The following TBX15 variants were observed in gnomAD, a reference collection of about 807,000 sequenced individuals.
TBX15 encodes the protein T-box transcription factor 15, also known as T-box transcription factor TBX15.
In TBX15, 18 loss-of-function variants were observed where a neutral mutation model predicts 53.9. That is an observed-to-expected ratio of 0.33 (90% CI 0.23 to 0.49). TBX15 has a LOEUF of 0.49. Among genes scored for constraint, TBX15 ranks in the 20% least tolerant of loss-of-function variants. TBX15 has a pLI of 0.98. For missense variants in TBX15, 692 were observed against 749.5 expected (o/e 0.92, Z 0.90); for synonymous variants, 295 against 278.0 (o/e 1.06, Z -0.61).
At chr1:118,961,162 C>T (rs1280267103) in intron 1 of TBX15, among the ~76,000 whole-genome samples, 3 of 152,176 alleles carry the variant, frequency 2.0e-5, no homozygotes, top group Non-Finnish European at 4.4e-5. Context: ...CTGGTTCCCC[C>T]TTCCTAACTC....
intron 1 of TBX15, among the ~76,000 whole-genome samples, chr1:118,936,416 A>C (rs1224769495): frequency 6.6e-6 from 1 of 152,192 alleles, no homozygotes; most frequent in Non-Finnish European, 1.5e-5. Flanking sequence ...TCGTTACTGC[A>C]GTGAACAAAG....
At chr1:118,914,247 A>C (rs1004981130) in intron 5 of TBX15, 68 bp from the exon 6 acceptor site, 2 of 1,403,418 alleles carry the variant, frequency 1.4e-6, no homozygotes, top group Admixed American at 3.5e-5. Flanking sequence ...ACTCCTAGAA[A>C]ATTACAAAAA....
intron 1 of TBX15, among the ~76,000 whole-genome samples, chr1:118,937,805 T>C (rs946089857): frequency 6.6e-6 from 1 of 152,232 alleles, no homozygotes; most frequent in Non-Finnish European, 1.5e-5. Flanking sequence ...TCCTATCTGA[T>C]AGTGGTAGGA....
chr1:118,936,506 C>T (rs947693175), intron 1 of TBX15, among the ~76,000 whole-genome samples: 1 of 151,828 alleles, frequency 6.6e-6, no homozygotes, highest in Admixed American at 6.6e-5. Context: ...CCTAAGTTTC[C>T]TTATCTTTAC....
chr1:118,888,942 T>G (rs1395500253), intron 7 of TBX15, among the ~76,000 whole-genome samples: 10 of 152,026 alleles, frequency 6.6e-5, no homozygotes, highest in Non-Finnish European at 1.5e-4. Context: ...GGGGTGGAAC[T>G]ATTAACAAGT....
At chr1:118,913,219 T>C (rs1655077433) in intron 6 of TBX15, among the ~76,000 whole-genome samples, 1 of 145,176 alleles carries the variant, frequency 6.9e-6, no homozygotes, top group Admixed American at 6.9e-5. Flanking sequence ...TGTAAATAAA[T>C]GCCCTCAAAC....
rs1295637835 is a variant in TBX15 at position 118,885,288 on chromosome 1, T to C, written c.1253A>G (p.Asp418Gly). ...ACTCTGAAGCCTGTTGTAGCCACTG[T>C]CACTCAGCCCTGGGTAGCTCTGCAA... Reference protein sequence around the residue: ...AALQSYPGLSDSGYNRLQSGT... With the variant: ...AALQSYPGLSGSGYNRLQSGT... The change falls in exon 8 of 8, where the codon GAC (aspartate) becomes GGC (glycine). Residue 418 changes from aspartate (D) to glycine (G), a missense_variant. Physicochemically the swap from Asp to Gly is moderately conservative, Grantham distance 94 (BLOSUM62 -1). Transcript: ENST00000369429. The C allele has an allele frequency of 6.2e-7, 1 of 1,614,136 alleles. No homozygotes were observed. The highest frequency in any genetic ancestry group is 1.7e-5 in the Admixed American group (1 of 60,026).
In TBX15 at chr1:118,925,324, C is replaced by A. The variant is rs545943101; in HGVS notation, c.522-507G>T. 2.0e-5 allele frequency among the ~76,000 whole-genome samples: 3 copies of A among 152,340 alleles called. No homozygotes were observed. The South Asian group carries it at 6.2e-4, about 32-fold the overall frequency. On this transcript the variant is annotated intron_variant, in intron 3 of 7. Transcript: ENST00000369429. ...CAGCCATGTGCAGAGCCCTCCCAAG[C>A]CTCTCACTGGTTAACCATTTCCTTG...
At chr1:118,914,606 A>G (rs1486176940) in intron 5 of TBX15, among the ~76,000 whole-genome samples, 1 of 152,260 alleles carries the variant, frequency 6.6e-6, no homozygotes, top group East Asian at 1.9e-4. Flanking sequence ...TAATGGACTC[A>G]GTCAATTCAG....
At chr1:118,902,829 C>T (rs1230440092) in intron 6 of TBX15, among the ~76,000 whole-genome samples, 1 of 152,092 alleles carries the variant, frequency 6.6e-6, no homozygotes, top group East Asian at 1.9e-4. Context: ...GATGTCTAGT[C>T]AAAATTTACC....
At chr1:118,974,801 G>A (rs556955316) in intron 1 of TBX15, among the ~76,000 whole-genome samples, 3 of 152,252 alleles carry the variant, frequency 2.0e-5, no homozygotes, top group East Asian at 1.9e-4. Context: ...CCCTAACAGC[G>A]GGTGTACTTG....
At chr1:118,959,302 T>C (rs1656790441) in intron 1 of TBX15, among the ~76,000 whole-genome samples, 1 of 152,164 alleles carries the variant, frequency 6.6e-6, no homozygotes, top group African/African-American at 2.4e-5. Context: ...AATAAGAATA[T>C]GTATTTATAG....
chr1:118,905,438 G>A (rs917905654), intron 6 of TBX15, among the ~76,000 whole-genome samples: 2 of 152,218 alleles, frequency 1.3e-5, no homozygotes, highest in African/African-American at 4.8e-5. Flanking sequence ...ACAAGGGAGG[G>A]CGAACAAATA....
intron 5 of TBX15, 97 bp downstream of exon 5, chr1:118,923,339 T>C (rs1655487279): frequency 2.0e-6 from 3 of 1,477,046 alleles, no homozygotes; most frequent in Non-Finnish European, 2.8e-6. Context: ...GGTTGTTGTA[T>C]GTCAAATTCC....
At chr1:118,912,304 A>G (rs939333004) in intron 6 of TBX15, among the ~76,000 whole-genome samples, 1 of 123,144 alleles carries the variant, frequency 8.1e-6, no homozygotes, top group Admixed American at 7.6e-5. Flanking sequence ...TAGAGCAGAA[A>G]TTCTTAACTT....
At chr1:118,964,656 A>G (rs952395197) in intron 1 of TBX15, among the ~76,000 whole-genome samples, 1 of 152,210 alleles carries the variant, frequency 6.6e-6, no homozygotes, top group Non-Finnish European at 1.5e-5. Flanking sequence ...TAGTTGTCAA[A>G]TTTCACTGAA....
chr1:118,890,781 G>T, intron 7 of TBX15: 1 of 732,302 alleles, frequency 1.4e-6, no homozygotes, highest in Non-Finnish European at 2.0e-6. Flanking sequence ...ATTTTGCTGT[G>T]CTTTTCTCCC....
At position 118,926,641 on chromosome 1, in the gene TBX15, G is replaced by A; in HGVS notation, c.420-30C>T. The A allele has an allele frequency of 1.9e-6, 3 of 1,589,582 alleles. No individual in the cohort carries two copies. In the South Asian group the frequency reaches 3.3e-5, roughly 18 times the overall value. ...GAAGATGAATAAAACAGAAAGCTCA[G>A]AAATCAGGGTGGGAGAAGTAGCAGG... On this transcript the variant is annotated intron_variant, in intron 2 of 7. Coordinates refer to ENST00000369429, the MANE Select transcript of TBX15 (RefSeq NM_001330677.2).
chr1:118,884,620 A>C lies in TBX15; in HGVS notation c.*112T>G, dbSNP rs1028696884. The C allele has an allele frequency of 8.6e-5, 117 of 1,361,650 alleles. No homozygotes were observed. The East Asian group carries it at 1.2e-3, about 14-fold the overall frequency. 84.3% of individuals were successfully genotyped at this position (1,361,650 alleles called of 1,614,324 possible). On this transcript the variant is annotated 3_prime_UTR_variant, in exon 8 of 8. Coordinates refer to ENST00000369429, the MANE Select transcript of TBX15 (RefSeq NM_001330677.2). The stretch of plus-strand genomic sequence containing the variant: ...TCTTCGGCCAGAAAAAAAAAAAAAA[A>C]AAAAACACGGTTCCTGTTTTTCAAA...
Sources: allele counts gnomAD v4.1 joint callset (sites outside exome capture counted in the v4.1 genomes callset), GRCh38; gene constraint gnomAD v4.1.1; transcripts MANE v1.5; gene names NCBI Gene and HGNC (gene_info 2026-07-23, HGNC 2026-07-21).